SLC7A9: variants seen among roughly 807,000 people sequenced by gnomAD.
The protein encoded by SLC7A9 is B(0,+)-type amino acid transporter 1.
Under a neutral mutation model 54.1 loss-of-function variants are expected in SLC7A9, and 38 were observed. That is an observed-to-expected ratio of 0.70 (90% CI 0.54 to 0.92). SLC7A9 has a LOEUF of 0.92. Ranked by LOEUF, SLC7A9 falls within the 40% of genes least tolerant of loss-of-function variation. The pLI is 0.00. For synonymous variants in SLC7A9, 264 were observed against 258.9 expected (o/e 1.02, Z -0.19); for missense variants, 537 against 636.1 (o/e 0.84, Z 1.68).
In SLC7A9 at chr19:32,864,633, C is replaced by A. The variant is rs141456885; in HGVS notation, c.231G>T (p.Thr77=). 1 of 1,613,414 alleles carries A rather than the reference C, an allele frequency of 6.2e-7. No homozygotes were observed. Among genetic ancestry groups the A allele is most frequent in the African/African-American group, 1.3e-5 (1 of 75,060 alleles). The change falls in exon 3 of 13, where the codon ACG becomes ACT. Residue 77 remains threonine, a synonymous_variant. Coordinates refer to ENST00000023064, the MANE Select transcript of SLC7A9 (RefSeq NM_014270.5). ...CAGGCTCCCAAGTCTCTTTACCCAG[C>A]GTCGCGAGGACCCCGCAAGCCGCCC... ...IIWAACGVLA[T]LGALCFAELG...
Position 32,867,210 on chromosome 19 carries a change from C to T in SLC7A9, c.87+1238G>A, listed in dbSNP as rs1437538063. On this transcript the variant is annotated intron_variant, in intron 2 of 12. Transcript: ENST00000023064. The stretch of plus-strand genomic sequence containing the variant: ...TTTAGAGGGGACTCAACCATCAGAA[C>T]GCCCTCTCTGGCTGGGCACAGCGAC... Among the ~76,000 whole-genome samples, 4 of 152,304 alleles carry T rather than the reference C, an allele frequency of 2.6e-5. No individual in the cohort carries two copies. The East Asian group carries it at 5.8e-4, about 22-fold the overall frequency.
chr19:32,854,373 C>T (rs577978985), intron 9 of SLC7A9, among the ~76,000 whole-genome samples: 128 of 152,244 alleles, frequency 8.4e-4, no homozygotes, highest in African/African-American at 2.8e-3. Flanking sequence ...ATGGATTCAA[C>T]CCAGTCCTGA....
At chr19:32,861,352 G>T (rs1312454598) in intron 6 of SLC7A9, among the ~76,000 whole-genome samples, 1 of 151,422 alleles carries the variant, frequency 6.6e-6, no homozygotes, top group Non-Finnish European at 1.5e-5. Flanking sequence ...GAAAAAAAAG[G>T]ACAAAAACAG....
chr19:32,837,538 CA>C (rs1012833340), intron 11 of SLC7A9, among the ~76,000 whole-genome samples: 8 of 146,488 alleles, frequency 5.5e-5, no homozygotes, highest in African/African-American at 2.0e-4. Context: ...AATTCCCAAC[CA>C]AAAAACAGTA....
rs1967849948 is a variant in SLC7A9 at position 32,833,004 on chromosome 19, G to C, written c.1399+145C>G. Reference sequence around the variant, plus strand: ...GGTGGACCCAGAGGTGTACAGTGAGGGCGTGGGCATGTGTCCTCCTGGGAC... The same window carrying C: ...GGTGGACCCAGAGGTGTACAGTGAGCGCGTGGGCATGTGTCCTCCTGGGAC... On this transcript the variant is annotated intron_variant, in intron 12 of 12. Transcript: ENST00000023064. 7.4e-6 allele frequency: 6 copies of C among 806,036 alleles called. No individual in the cohort carries two copies. In the South Asian group the frequency reaches 8.3e-5, roughly 11 times the overall value. The allele number at this position is 806,036 out of a possible 1,614,324, so 49.9% of individuals were successfully genotyped here. A position where few individuals can be genotyped will look rare whatever the true frequency, so the allele number is the denominator to read the frequency against.
chr19:32,848,235 G>C (rs1465768787), intron 9 of SLC7A9, among the ~76,000 whole-genome samples: 77 of 152,336 alleles, frequency 5.1e-4, no homozygotes, highest in African/African-American at 1.7e-3. Flanking sequence ...AAAAGACACA[G>C]ACTGGCAAAT....
chr19:32,830,690 A>AT lies in SLC7A9; in HGVS notation c.1400-7dup, dbSNP rs748860894. 1.2e-6 allele frequency: 2 copies of AT among 1,613,116 alleles called. No homozygotes were observed. Among genetic ancestry groups the AT allele is most frequent in the Non-Finnish European group, 1.7e-6 (2 of 1,179,088 alleles). On this transcript the variant is annotated splice_polypyrimidine_tract_variant and splice_region_variant and intron_variant, in intron 12 of 12. Coordinates refer to ENST00000023064, the MANE Select transcript of SLC7A9 (RefSeq NM_014270.5). ...AAGGTGCATGGTAATCGGCTCTGAA[A>AT]TAAGAGTCAAAAATGAGTACAGTTA... is the stretch of plus-strand genomic sequence containing the variant.
chr19:32,858,587 T>A, intron 8 of SLC7A9, 44 bp from the exon 9 acceptor site: 2 of 1,487,124 alleles, frequency 1.3e-6, no homozygotes, highest in African/African-American at 1.4e-5. Flanking sequence ...TTTCTTGGCC[T>A]CCAAGAGCGG....
chr19:32,854,116 G>T (rs1010490780), intron 9 of SLC7A9, among the ~76,000 whole-genome samples: 3 of 151,216 alleles, frequency 2.0e-5, no homozygotes, highest in Non-Finnish European at 4.4e-5. Context: ...GGGCTCACAC[G>T]ATCCTCCCAC....
At chr19:32,846,619 A>G (rs899862913) in intron 9 of SLC7A9, among the ~76,000 whole-genome samples, 1 of 152,248 alleles carries the variant, frequency 6.6e-6, no homozygotes, top group Non-Finnish European at 1.5e-5. Context: ...AAAAGACAGC[A>G]GTAACCTCTG....
chr19:32,862,637 G>GA, intron 4 of SLC7A9, 51 bp from the exon 5 acceptor site: 1 of 1,585,464 alleles, frequency 6.3e-7, no homozygotes, highest in South Asian at 1.1e-5. Flanking sequence ...CAAAGCCCTG[G>GA]AGAGAGTCTC....
Position 32,868,648 on chromosome 19 carries a change from G to GCAA in SLC7A9, c.-111-6_-111-4dup. On this transcript the variant is annotated splice_region_variant and splice_polypyrimidine_tract_variant and intron_variant, in intron 1 of 12. Coordinates refer to ENST00000023064, the MANE Select transcript of SLC7A9 (RefSeq NM_014270.5). ...TCGGCCTGGACTAGGGGAGCTGGCT[G>GCAA]CAAAAGCACAGTGTTGGTTATTGCT... 1.2e-6 allele frequency: 1 copy of GCAA among 856,280 alleles called. No individual in the cohort carries two copies. Among genetic ancestry groups the GCAA allele is most frequent in the Non-Finnish European group, 2.0e-6 (1 of 502,624 alleles). 53.0% of individuals were successfully genotyped at this position (856,280 alleles called of 1,614,324 possible).
intron 9 of SLC7A9, among the ~76,000 whole-genome samples, chr19:32,855,500 C>T (rs1406938303): frequency 2.0e-5 from 3 of 152,124 alleles, no homozygotes; most frequent in South Asian, 2.1e-4. Flanking sequence ...GAGATCAAGA[C>T]CATCCTGGCA....
intron 4 of SLC7A9, chr19:32,863,115 T>A (rs1441443643): frequency 2.0e-5 from 3 of 152,442 alleles, no homozygotes; most frequent in Non-Finnish European, 4.4e-5. Context: ...TTTATTTTTA[T>A]CTATTTATTT....
At chr19:32,863,275 C>T (rs1968860647) in intron 4 of SLC7A9, among the ~76,000 whole-genome samples, 1 of 151,794 alleles carries the variant, frequency 6.6e-6, no homozygotes, top group African/African-American at 2.4e-5. Context: ...CCCCACCACC[C>T]CCCTCCCCCG....
chr19:32,860,008 C>G, intron 7 of SLC7A9, 44 bp from the exon 8 acceptor site: 1 of 1,613,930 alleles, frequency 6.2e-7, no homozygotes, highest in Non-Finnish European at 8.5e-7. Flanking sequence ...AGACCACAGC[C>G]TCCCGCGGAA....
In SLC7A9 at chr19:32,868,659, G is replaced by T; in HGVS notation, c.-111-14C>A. ...TAGGGGAGCTGGCTGCAAAAGCACA[G>T]TGTTGGTTATTGCTGCAGGTGGGGG... is the stretch of plus-strand genomic sequence containing the variant. On this transcript the variant is annotated splice_polypyrimidine_tract_variant and intron_variant, in intron 1 of 12. Transcript: ENST00000023064. 1.2e-6 allele frequency: 1 copy of T among 803,718 alleles called. No homozygotes were observed. The highest frequency in any genetic ancestry group is 1.7e-5 in the African/African-American group (1 of 59,286). The allele number at this position is 803,718 out of a possible 1,614,324, so 49.8% of individuals were successfully genotyped here.
At chr19:32,836,329 G>A (rs938931050) in intron 11 of SLC7A9, among the ~76,000 whole-genome samples, 6 of 152,200 alleles carry the variant, frequency 3.9e-5, no homozygotes, top group South Asian at 2.1e-4. Context: ...GATTACAGGC[G>A]TGAGCCACTG....
intron 4 of SLC7A9, 162 bp from the exon 5 acceptor site, chr19:32,862,748 A>C: frequency 1.7e-6 from 1 of 571,478 alleles, no homozygotes; most frequent in Non-Finnish European, 2.6e-6. Context: ...TCACGATCTC[A>C]GCAATCTTTG....
Sources: allele counts gnomAD v4.1 joint callset (sites outside exome capture counted in the v4.1 genomes callset), GRCh38; gene constraint gnomAD v4.1.1; transcripts MANE v1.5; gene names NCBI Gene and HGNC (gene_info 2026-07-23, HGNC 2026-07-21).